The following ABTB2 variants were observed in gnomAD, a reference collection of about 807,000 sequenced individuals.
The protein encoded by ABTB2 is ankyrin repeat and BTB/POZ domain-containing protein 2.
Under a neutral mutation model 104.1 loss-of-function variants are expected in ABTB2, and 56 were observed. The observed-to-expected ratio is 0.54, with a 90% CI of 0.43 to 0.67. The LOEUF is 0.67. Ranked by LOEUF, ABTB2 falls within the 30% of genes least tolerant of loss-of-function variation. The pLI is 0.00. For synonymous variants in ABTB2, 606 were observed against 608.2 expected (o/e 1.00, Z 0.05); for missense variants, 1,279 against 1,407.7 (o/e 0.91, Z 1.46).
chr11:34,226,896 T>A (rs1853694588), intron 1 of ABTB2, among the ~76,000 whole-genome samples: 1 of 151,894 alleles, frequency 6.6e-6, no homozygotes, highest in African/African-American at 2.4e-5. Flanking sequence ...CAAAACCCCA[T>A]CTCTACTAAA....
chr11:34,288,783 G>C (rs1326600213), intron 1 of ABTB2, among the ~76,000 whole-genome samples: 1 of 152,008 alleles, frequency 6.6e-6, no homozygotes, highest in Admixed American at 6.6e-5. Flanking sequence ...GGAAGGTATA[G>C]GGGCTGTGAC....
At chr11:34,342,818 A>G (rs1196005833) in intron 1 of ABTB2, among the ~76,000 whole-genome samples, 1 of 152,098 alleles carries the variant, frequency 6.6e-6, no homozygotes, top group Non-Finnish European at 1.5e-5. Flanking sequence ...CAAGCTACCA[A>G]ACCTCTCTGT....
chr11:34,165,505 T>G, intron 7 of ABTB2, 149 bp from the exon 8 acceptor site: 1 of 623,408 alleles, frequency 1.6e-6, no homozygotes, highest in Non-Finnish European at 2.8e-6. Flanking sequence ...AACTGGAACT[T>G]TAGAACTCCA....
At chr11:34,244,464 C>T (rs1281321123) in intron 1 of ABTB2, among the ~76,000 whole-genome samples, 2 of 152,168 alleles carry the variant, frequency 1.3e-5, no homozygotes, top group East Asian at 1.9e-4. Flanking sequence ...AAATGCAGGA[C>T]AATAAAATAC....
intron 1 of ABTB2, among the ~76,000 whole-genome samples, chr11:34,261,750 A>C (rs972722489): frequency 1.3e-5 from 2 of 152,236 alleles, no homozygotes; most frequent in Non-Finnish European, 2.9e-5. Flanking sequence ...CTTTTAAAAA[A>C]CGCTATCACA....
At chr11:34,288,264 T>C (rs1854528295) in intron 1 of ABTB2, among the ~76,000 whole-genome samples, 1 of 152,238 alleles carries the variant, frequency 6.6e-6, no homozygotes, top group Non-Finnish European at 1.5e-5. Flanking sequence ...GCCTATCATT[T>C]ACATTTTGCT....
At position 34,152,054 on chromosome 11, in the gene ABTB2, G is replaced by A. The variant is rs577326387; in HGVS notation, c.*333C>T. ...CCCTAGGGGTGAGTAGAGCTTGGAGGGCCTGGGCGGAGGTGGATCAGGATC... is the reference window on the plus strand; with the variant it reads ...CCCTAGGGGTGAGTAGAGCTTGGAGAGCCTGGGCGGAGGTGGATCAGGATC... On this transcript the variant is annotated 3_prime_UTR_variant, in exon 17 of 17. Coordinates refer to ENST00000435224, the MANE Select transcript of ABTB2 (RefSeq NM_145804.3). The A allele has an allele frequency of 2.5e-5, 9 of 353,712 alleles. No homozygotes were observed. The highest frequency in any genetic ancestry group is 8.4e-5 in the Admixed American group (2 of 23,944). 21.9% of individuals were successfully genotyped at this position (353,712 alleles called of 1,614,324 possible). A position where few individuals can be genotyped will look rare whatever the true frequency, so the allele number is the denominator to read the frequency against.
intron 1 of ABTB2, among the ~76,000 whole-genome samples, chr11:34,317,425 A>C (rs1326738348): frequency 6.6e-6 from 1 of 152,180 alleles, no homozygotes; most frequent in Non-Finnish European, 1.5e-5. Flanking sequence ...CTGCTCAATA[A>C]GGGGGCACTG....
At chr11:34,239,788 G>C (rs1441643398) in intron 1 of ABTB2, among the ~76,000 whole-genome samples, 1 of 152,154 alleles carries the variant, frequency 6.6e-6, no homozygotes, top group East Asian at 1.9e-4. Context: ...GACATTTGGG[G>C]GGCCAACTGC....
intron 1 of ABTB2, among the ~76,000 whole-genome samples, chr11:34,264,182 G>A (rs1854220647): frequency 6.6e-6 from 1 of 152,212 alleles, no homozygotes; most frequent in Non-Finnish European, 1.5e-5. Context: ...CAGCTTGGAG[G>A]GAAGCCCTGA....
intron 3 of ABTB2, among the ~76,000 whole-genome samples, chr11:34,177,192 G>A (rs1852969388): frequency 6.6e-6 from 1 of 152,194 alleles, no homozygotes; most frequent in African/African-American, 2.4e-5. Context: ...CTGCACTAGG[G>A]GAAATCCAAG....
In ABTB2 at chr11:34,154,802, G is replaced by A. The variant is rs747199027; in HGVS notation, c.2698-33C>T. The A allele has an allele frequency of 6.2e-6, 10 of 1,608,088 alleles. No homozygotes were observed. The Admixed American group carries it at 6.7e-5, about 11-fold the overall frequency. On this transcript the variant is annotated intron_variant, in intron 14 of 16. Coordinates refer to ENST00000435224, the MANE Select transcript of ABTB2 (RefSeq NM_145804.3). This position sits in a 1 kb window ranked among gnomAD's most constrained non-coding sequence, Gnocchi z 4.9. ...GGGAAGAGGCCCATGTGAATGCCAC[G>A]TGAACCTGAGGCATGAAAGTCCTTG...
intron 11 of ABTB2, among the ~76,000 whole-genome samples, chr11:34,160,593 T>A (rs560957314): frequency 9.8e-4 from 146 of 149,446 alleles, no homozygotes; most frequent in African/African-American, 3.4e-3. Flanking sequence ...AGCGCAAGTC[T>A]AAGTCTGGGT....
chr11:34,351,247 A>C, intron 1 of ABTB2, among the ~76,000 whole-genome samples: 1 of 144,804 alleles, frequency 6.9e-6, no homozygotes, highest in East Asian at 2.2e-4. Flanking sequence ...TGGGACACAG[A>C]TGTAAACTCT....
intron 2 of ABTB2, among the ~76,000 whole-genome samples, chr11:34,200,788 G>GA (rs1166228872): frequency 6.6e-6 from 1 of 152,160 alleles, no homozygotes; most frequent in Non-Finnish European, 1.5e-5. Flanking sequence ...AATCAGCCAG[G>GA]ACTTGAACTG....
chr11:34,326,964 C>A (rs1031824558), intron 1 of ABTB2, among the ~76,000 whole-genome samples: 1 of 152,020 alleles, frequency 6.6e-6, no homozygotes, highest in Non-Finnish European at 1.5e-5. Flanking sequence ...GTAATCCCAG[C>A]TACCCAGGAG....
At chr11:34,190,271 C>CCA (rs200252084) in intron 3 of ABTB2, among the ~76,000 whole-genome samples, 9,345 of 98,736 alleles carry the variant, frequency 0.095, 430 homozygotes, top group Non-Finnish European at 0.13. Flanking sequence ...CGCTGCCCCC[C>CCA]CAAAAAAAAA....
At chr11:34,215,602 C>T (rs1853541111) in intron 1 of ABTB2, among the ~76,000 whole-genome samples, 1 of 152,168 alleles carries the variant, frequency 6.6e-6, no homozygotes, top group Non-Finnish European at 1.5e-5. Context: ...GTTCAAAACC[C>T]AGCTCTGCCA....
At chr11:34,300,091 CT>C (rs776418222) in intron 1 of ABTB2, among the ~76,000 whole-genome samples, 2 of 152,158 alleles carry the variant, frequency 1.3e-5, no homozygotes, top group African/African-American at 2.4e-5. Flanking sequence ...GAAGGGTTCT[CT>C]TTTATGGCTC....
Sources: allele counts gnomAD v4.1 joint callset (sites outside exome capture counted in the v4.1 genomes callset), GRCh38; gene constraint gnomAD v4.1.1; non-coding constraint Gnocchi (gnomAD v3.1); transcripts MANE v1.5; gene names NCBI Gene and HGNC (gene_info 2026-07-23, HGNC 2026-07-21).